SCN1A: variants seen among roughly 807,000 people sequenced by gnomAD.
SCN1A encodes sodium channel protein type 1 subunit alpha.
Under a neutral mutation model 193.7 loss-of-function variants are expected in SCN1A, and 13 were observed. That is an observed-to-expected ratio of 0.07 (90% CI 0.04 to 0.11). The LOEUF (loss-of-function observed/expected upper bound fraction) is 0.11, where lower values mean the gene tolerates loss of function less well. SCN1A is among the 10% of genes least tolerant of loss of function. The pLI is 1.00. For missense variants in SCN1A, 1,432 were observed against 2,451.1 expected, an observed-to-expected ratio of 0.58 and a Z score of 8.78; for synonymous variants, 781 against 843.6, an observed-to-expected ratio of 0.93 and a Z score of 1.29.
chr2:166,049,053 T>G, intron 9 of SCN1A, 104 bp from the exon 10 acceptor site: 1 of 737,868 alleles, frequency 1.4e-6, no homozygotes, highest in Non-Finnish European at 2.5e-6. Flanking sequence ...TGAGTAATTT[T>G]AAATATATTA....
chr2:166,029,258 A>AT (rs755571319), intron 19 of SCN1A, among the ~76,000 whole-genome samples: 51 of 152,076 alleles, frequency 3.4e-4, no homozygotes, highest in Non-Finnish European at 6.6e-4. Flanking sequence ...CGGGATTTGC[A>AT]TTTTAGAAAG....
chr2:166,098,478 C>G (rs1574484440), intron 2 of SCN1A, among the ~76,000 whole-genome samples: 1 of 152,036 alleles, frequency 6.6e-6, no homozygotes, highest in Non-Finnish European at 1.5e-5. Flanking sequence ...CACTCCTACT[C>G]AACATAATGC....
At position 166,122,344 on chromosome 2, in the gene SCN1A, A is replaced by G. The variant is rs561774251; in HGVS notation, c.-142+4580T>C. Among the ~76,000 whole-genome samples, 7 of 152,352 alleles carry G rather than the reference A, an allele frequency of 4.6e-5. No homozygotes were observed. The East Asian group carries it at 1.3e-3, about 29-fold the overall frequency. On this transcript the variant is annotated intron_variant, in intron 2 of 28. Coordinates refer to ENST00000674923, the MANE Select transcript of SCN1A (RefSeq NM_001165963.4). ...ATAAATATAACCTTTCCCTGGAAAT[A>G]TTTGCTCATTATCTCCTTAAATTTT...
At position 165,991,824 on chromosome 2, in the gene SCN1A, G is replaced by A. The variant is rs776991363; in HGVS notation, c.5451C>T (p.Pro1817=). The A allele has an allele frequency of 1.9e-6, 3 of 1,613,732 alleles. No individual in the cohort carries two copies. The highest frequency in any genetic ancestry group is 2.5e-6 in the Non-Finnish European group (3 of 1,179,916). ...MFYEVWEKFD[P]DATQFMEFEK... is the part of the protein sequence containing the mutation. ...CAAATTCCATGAACTGAGTTGCATCGGGATCAAACTTCTCCCAAACCTCAT... is the reference window on the plus strand; with the variant it reads ...CAAATTCCATGAACTGAGTTGCATCAGGATCAAACTTCTCCCAAACCTCAT... Residue 1817 remains proline, a synonymous_variant, in exon 29 of 29, where the codon CCC becomes CCT. Transcript: ENST00000674923.
chr2:166,091,381 T>C (rs888494556), intron 2 of SCN1A, among the ~76,000 whole-genome samples: 1 of 152,228 alleles, frequency 6.6e-6, no homozygotes, highest in Admixed American at 6.5e-5. Flanking sequence ...TTTAAATCTT[T>C]TTAACTATCT....
At chr2:165,995,344 C>A (rs946061009) in intron 27 of SCN1A, among the ~76,000 whole-genome samples, 1 of 151,798 alleles carries the variant, frequency 6.6e-6, no homozygotes, top group African/African-American at 2.4e-5. Context: ...CCTCTCAGAT[C>A]ATCATCATAA....
intron 2 of SCN1A, among the ~76,000 whole-genome samples, chr2:166,088,243 A>C (rs917271796): frequency 6.6e-6 from 1 of 151,418 alleles, no homozygotes; most frequent in Non-Finnish European, 1.5e-5. Flanking sequence ...TGTGCATCTC[A>C]TTTAAAGATA....
chr2:166,008,662 C>T (rs926767814), intron 23 of SCN1A, among the ~76,000 whole-genome samples: 1 of 150,952 alleles, frequency 6.6e-6, no homozygotes, highest in African/African-American at 2.4e-5. Context: ...GTCCTACGTT[C>T]TTACAAAGTG....
At chr2:166,024,054 G>C (rs1393629805) in intron 19 of SCN1A, among the ~76,000 whole-genome samples, 2 of 152,068 alleles carry the variant, frequency 1.3e-5, no homozygotes. Context: ...TGGGATTACA[G>C]TGTGAGACAC....
chr2:165,991,284 ATGTTTTTCCACAAT>A lies in SCN1A; in HGVS notation c.5977_5990del (p.Ile1993Ter). On this transcript the variant is annotated frameshift_variant, in exon 29 of 29. Coordinates refer to ENST00000674923, the MANE Select transcript of SCN1A (RefSeq NM_001165963.4). LOFTEE classifies it high-confidence loss of function. ...CTTTTTCATCTTTGCCTTCTTGCTC[ATGTTTTTCCACAAT>A]TGGCTTTGTCACCCGGTCATAGGAA... 1 of 1,613,404 alleles carries A rather than the reference ATGTTTTTCCACAAT, an allele frequency of 6.2e-7. No individual in the cohort carries two copies. Among genetic ancestry groups the A allele is most frequent in the Non-Finnish European group, 8.5e-7 (1 of 1,179,774 alleles).
At chr2:166,028,723 A>G (rs530135735) in intron 19 of SCN1A, among the ~76,000 whole-genome samples, 2 of 152,318 alleles carry the variant, frequency 1.3e-5, no homozygotes, top group South Asian at 4.1e-4. Flanking sequence ...AATAGGTGTA[A>G]TTATTGATAT....
intron 18 of SCN1A, among the ~76,000 whole-genome samples, chr2:166,037,274 T>A (rs1696510221): frequency 6.6e-6 from 1 of 152,216 alleles, no homozygotes; most frequent in African/African-American, 2.4e-5. Flanking sequence ...CATAGAGTGA[T>A]TGAATATCAT....
chr2:166,023,058 T>C (rs1293835161), intron 19 of SCN1A, among the ~76,000 whole-genome samples: 1 of 152,244 alleles, frequency 6.6e-6, no homozygotes. Flanking sequence ...TAAAGCTCTT[T>C]TTAAATTCAA....
chr2:166,146,795 G>A (rs1692339933), intron 1 of SCN1A, among the ~76,000 whole-genome samples: 1 of 152,116 alleles, frequency 6.6e-6, no homozygotes, highest in Non-Finnish European at 1.5e-5. Context: ...AAGAGCTAAA[G>A]TTCTAAAATG....
chr2:166,017,487 C>T (rs1326959555), intron 19 of SCN1A, among the ~76,000 whole-genome samples: 1 of 152,012 alleles, frequency 6.6e-6, no homozygotes, highest in Non-Finnish European at 1.5e-5. Flanking sequence ...CTCAACATTA[C>T]ACAGATTCAT....
At chr2:166,120,723 C>A (rs1281328476) in intron 2 of SCN1A, among the ~76,000 whole-genome samples, 1 of 150,226 alleles carries the variant, frequency 6.7e-6, no homozygotes, top group Non-Finnish European at 1.5e-5. Flanking sequence ...AAGTGACTCT[C>A]CTGGCTCAGC....
chr2:166,034,170 A>G (rs146612792), intron 19 of SCN1A, among the ~76,000 whole-genome samples: 1 of 152,202 alleles, frequency 6.6e-6, no homozygotes, highest in East Asian at 1.9e-4. Flanking sequence ...GGATCTATCT[A>G]CTATTACATC....
At chr2:166,000,045 A>G (rs1690620716) in intron 24 of SCN1A, 2 of 476,028 alleles carry the variant, frequency 4.2e-6, no homozygotes, top group Non-Finnish European at 3.8e-6. Flanking sequence ...TCATGGTGTC[A>G]TGATATTTAA....
chr2:166,086,355 T>C (rs1352427119), intron 2 of SCN1A, among the ~76,000 whole-genome samples: 1 of 152,174 alleles, frequency 6.6e-6, no homozygotes, highest in African/African-American at 2.4e-5. Context: ...TAAGGATTTT[T>C]GTGTCCTCTG....
Sources: allele counts gnomAD v4.1 joint callset (sites outside exome capture counted in the v4.1 genomes callset), GRCh38; gene constraint gnomAD v4.1.1; transcripts MANE v1.5; gene names NCBI Gene and HGNC (gene_info 2026-07-23, HGNC 2026-07-21).